The following DPP10 variants were observed in gnomAD, a reference collection of about 807,000 sequenced individuals.
DPP10 encodes the protein dipeptidyl peptidase like 10, also known as inactive dipeptidyl peptidase 10.
DPP10 carries 33 observed loss-of-function variants against 120.9 expected under a neutral mutation model. That is an observed-to-expected ratio of 0.27 (90% CI 0.21 to 0.37). The LOEUF (loss-of-function observed/expected upper bound fraction) is 0.37, where lower values mean the gene tolerates loss of function less well. Among genes scored for constraint, DPP10 ranks in the 10% least tolerant of loss-of-function variants. The pLI is 1.00. For missense variants in DPP10, 816 were observed against 942.8 expected (o/e 0.87, Z 1.76); for synonymous variants, 337 against 326.1 (o/e 1.03, Z -0.36).
At chr2:115,329,649 A>G (rs546270613) in intron 2 of DPP10, among the ~76,000 whole-genome samples, 23 of 152,040 alleles carry the variant, frequency 1.5e-4, no homozygotes, top group African/African-American at 4.6e-4. Flanking sequence ...AAGCGTTTTC[A>G]TTGTTCAATT....
chr2:115,485,238 CAA>C (rs70941066), intron 3 of DPP10, among the ~76,000 whole-genome samples: 44,170 of 123,484 alleles, frequency 0.36, 6,779 homozygotes, highest in Admixed American at 0.45. Flanking sequence ...AACACTGTTC[CAA>C]AAAAAAAAAA....
intron 1 of DPP10, among the ~76,000 whole-genome samples, chr2:114,970,543 ATAAT>A (rs72033890): frequency 0.26 from 38,810 of 151,926 alleles, 4,983 homozygotes; most frequent in East Asian, 0.34. Flanking sequence ...TAATCTCCTA[ATAAT>A]TATCAGATTG....
intron 1 of DPP10, among the ~76,000 whole-genome samples, chr2:114,810,488 T>C (rs1451770281): frequency 1.3e-5 from 2 of 152,196 alleles, no homozygotes; most frequent in African/African-American, 4.8e-5. Context: ...GGGCCAAATT[T>C]GCAAGCCACT....
chr2:115,265,439 C>G (rs2059419644), intron 1 of DPP10, among the ~76,000 whole-genome samples: 1 of 151,866 alleles, frequency 6.6e-6, no homozygotes, highest in Non-Finnish European at 1.5e-5. Flanking sequence ...TGGTGGTATT[C>G]AAATGATTTT....
At chr2:114,468,483 G>A (rs1202120796) in intron 1 of DPP10, among the ~76,000 whole-genome samples, 1 of 150,582 alleles carries the variant, frequency 6.6e-6, no homozygotes, top group East Asian at 2.0e-4. Flanking sequence ...GCTATCCAAA[G>A]GTTCATTTGT....
At chr2:114,477,768 T>G (rs559523670) in intron 1 of DPP10, among the ~76,000 whole-genome samples, 3 of 88,802 alleles carry the variant, frequency 3.4e-5, no homozygotes, top group Non-Finnish European at 6.3e-5. Context: ...TATGGGTATA[T>G]TTATACATAC....
At chr2:115,543,138 A>G (rs2079275361) in intron 5 of DPP10, among the ~76,000 whole-genome samples, 1 of 151,942 alleles carries the variant, frequency 6.6e-6, no homozygotes, top group Admixed American at 6.6e-5. Flanking sequence ...CAGAGATAGC[A>G]CCTCGTATGA....
chr2:115,830,358 C>CAAAAAAA (rs545749288), intron 21 of DPP10, among the ~76,000 whole-genome samples: 1 of 71,278 alleles, frequency 1.4e-5, no homozygotes. Flanking sequence ...AATTCTGTCT[C>CAAAAAAA]AAAAAAAAAA....
chr2:114,946,051 C>G (rs1697324504), intron 1 of DPP10, among the ~76,000 whole-genome samples: 1 of 152,128 alleles, frequency 6.6e-6, no homozygotes, highest in African/African-American at 2.4e-5. Context: ...AACAAGGCGT[C>G]TGAAAAACTG....
intron 1 of DPP10, among the ~76,000 whole-genome samples, chr2:114,450,422 C>T (rs1678197000): frequency 1.3e-5 from 2 of 151,532 alleles, no homozygotes; most frequent in South Asian, 4.2e-4. Flanking sequence ...TTAAAGTGCT[C>T]TGATTTTTTT....
intron 1 of DPP10, among the ~76,000 whole-genome samples, chr2:115,002,320 A>G (rs150566521): frequency 4.6e-5 from 7 of 152,322 alleles, no homozygotes; most frequent in Admixed American, 4.6e-4. Flanking sequence ...GATTAGCCAT[A>G]CGGAGTGGTT....
chr2:115,594,883 A>G (rs892022237), intron 5 of DPP10, among the ~76,000 whole-genome samples: 1 of 152,180 alleles, frequency 6.6e-6, no homozygotes, highest in Non-Finnish European at 1.5e-5. Flanking sequence ...ACATATCAGA[A>G]TTATAGAAAT....
At chr2:115,815,799 C>A in intron 21 of DPP10, 70 bp downstream of exon 21, 13 of 1,424,654 alleles carry the variant, frequency 9.1e-6, no homozygotes, top group African/African-American at 1.4e-5. Context: ...ATTACACATT[C>A]ACAGGAGGCC....
At chr2:115,764,895 T>A (rs1157075238) in intron 12 of DPP10, among the ~76,000 whole-genome samples, 1 of 152,172 alleles carries the variant, frequency 6.6e-6, no homozygotes, top group East Asian at 1.9e-4. Flanking sequence ...TCATATACTG[T>A]CTTTTTGCAT....
chr2:115,214,454 A>G (rs894648509), intron 1 of DPP10, among the ~76,000 whole-genome samples: 14 of 152,164 alleles, frequency 9.2e-5, no homozygotes, highest in Non-Finnish European at 1.6e-4. Flanking sequence ...TTTTGAAATT[A>G]TCTGTATCAA....
intron 4 of DPP10, among the ~76,000 whole-genome samples, chr2:115,502,206 G>C (rs887798821): frequency 1.3e-5 from 2 of 151,934 alleles, no homozygotes; most frequent in Non-Finnish European, 2.9e-5. Context: ...TGTACTTTTG[G>C]TTATGTAATC....
Position 115,087,533 on chromosome 2 carries a change from C to CTTTTTTT in DPP10, c.61-221702_61-221701insTTTTTTT, listed in dbSNP as rs1310507943. On this transcript the variant is annotated intron_variant, in intron 1 of 25. Transcript: ENST00000410059. ...TCTTTTTCTTTCTTTCTTTTCTTTT[C>CTTTTTTT]TTTTCTTTTTTTTTTTTTTTTTTGA... Among the ~76,000 whole-genome samples, 126 of 92,568 alleles carry CTTTTTTT rather than the reference C, an allele frequency of 1.4e-3. 1 individual carries two copies. The highest frequency in any genetic ancestry group is 1.5e-3 in the African/African-American group (42 of 27,372). 60.7% of individuals were successfully genotyped at this position (92,568 alleles called of 152,430 possible). A position where few individuals can be genotyped will look rare whatever the true frequency, so the allele number is the denominator to read the frequency against.
At chr2:115,569,028 C>A (rs1223300717) in intron 5 of DPP10, among the ~76,000 whole-genome samples, 8 of 152,176 alleles carry the variant, frequency 5.3e-5, no homozygotes, top group Admixed American at 3.9e-4. Flanking sequence ...AAGTTCCTTT[C>A]TTTGCTAAAT....
chr2:114,572,584 A>T (rs1689742738), intron 1 of DPP10, among the ~76,000 whole-genome samples: 1 of 152,222 alleles, frequency 6.6e-6, no homozygotes, highest in South Asian at 2.1e-4. Flanking sequence ...AGCTCCCGTG[A>T]CATGTGCTAA....
Sources: allele counts gnomAD v4.1 joint callset (sites outside exome capture counted in the v4.1 genomes callset), GRCh38; gene constraint gnomAD v4.1.1; transcripts MANE v1.5; gene names NCBI Gene and HGNC (gene_info 2026-07-23, HGNC 2026-07-21).